MOCS1: variants seen among roughly 807,000 people sequenced by gnomAD.
MOCS1 encodes the protein molybdenum cofactor synthesis 1.
In MOCS1, 39 loss-of-function variants were observed where a neutral mutation model predicts 57.6. The ratio of observed to expected loss-of-function variants is 0.68; its 90% confidence interval spans 0.52 to 0.88. MOCS1 has a LOEUF of 0.88. MOCS1 is among the 40% of genes least tolerant of loss of function. The probability of loss-of-function intolerance (pLI) is 0.00; values close to 1 mark genes in which losing one functional copy is unlikely to be tolerated. For missense variants in MOCS1, 795 were observed against 831.1 expected (o/e 0.96, Z 0.53); for synonymous variants, 334 against 335.7 (o/e 1.00, Z 0.05).
intron 4 of MOCS1, among the ~76,000 whole-genome samples, chr6:39,914,959 G>A (rs1409576704): frequency 6.6e-6 from 1 of 152,044 alleles, no homozygotes; most frequent in Non-Finnish European, 1.5e-5. Flanking sequence ...TGCAGGTTCT[G>A]TACTCCTGCT....
chr6:39,929,117 T>G (rs1175334662), intron 1 of MOCS1, among the ~76,000 whole-genome samples: 1 of 152,186 alleles, frequency 6.6e-6, no homozygotes, highest in Admixed American at 6.5e-5. Context: ...CTTGATTTTC[T>G]GGGCCCATAA....
chr6:39,906,341 G>A lies in MOCS1; in HGVS notation c.*16C>T. 1 of 1,597,720 alleles carries A rather than the reference G, an allele frequency of 6.3e-7. No homozygotes were observed. The highest frequency in any genetic ancestry group is 8.6e-7 in the Non-Finnish European group (1 of 1,169,154). ...AGCTCCAGGCCTGGGTGGGCCATGG[G>A]TGAGAAGGGCAGGTGCTAAGCCCGA... is the stretch of plus-strand genomic sequence containing the variant. On this transcript the variant is annotated 3_prime_UTR_variant, in exon 11 of 11. Transcript: ENST00000340692.
At chr6:39,916,044 C>A (rs200819904) in intron 4 of MOCS1, 24 bp downstream of exon 4, 3 of 1,584,862 alleles carry the variant, frequency 1.9e-6, no homozygotes, top group East Asian at 4.6e-5. Flanking sequence ...GGGAGGGACA[C>A]CCACCCCATC....
chr6:39,909,871 C>T lies in MOCS1; in HGVS notation c.1066G>A (p.Gly356Arg). 1.2e-6 allele frequency: 2 copies of T among 1,613,914 alleles called. No homozygotes were observed. The highest frequency in any genetic ancestry group is 1.7e-6 in the Non-Finnish European group (2 of 1,180,028). ...CGCTTCTTCCTGCCCACAGCAGCCC[C>T]AATGATTCTCAGCAGCTCCTGCTCA... ...ASEQELLRII[G>R]AAVGRKKRQH... The change falls in exon 9 of 11, where the codon GGG becomes AGG. Residue 356 changes from glycine to arginine, a missense_variant. Coordinates refer to ENST00000340692, the MANE Select transcript of MOCS1 (RefSeq NM_001358530.2).
At chr6:39,911,944 G>A (rs1420628758) in intron 8 of MOCS1, among the ~76,000 whole-genome samples, 1 of 152,190 alleles carries the variant, frequency 6.6e-6, no homozygotes, top group African/African-American at 2.4e-5. Context: ...TGGTGGAAGG[G>A]GCTAACCATG....
Position 39,925,787 on chromosome 6 carries a change from G to A in MOCS1, c.309C>T (p.Thr103=). Residue 103 remains threonine, a synonymous_variant, in exon 3 of 11, where the codon ACC becomes ACT. Coordinates refer to ENST00000340692, the MANE Select transcript of MOCS1 (RefSeq NM_001358530.2). ...GGGCGAGGGTCAGGATCTCCTCTGT[G>A]GTCAGCAGGTTGGCTTTGGGGGTCA... ...VPLTPKANLL[T]TEEILTLARL... The A allele has an allele frequency of 6.2e-7, 1 of 1,612,840 alleles. No individual in the cohort carries two copies. Among genetic ancestry groups the A allele is most frequent in the Non-Finnish European group, 8.5e-7 (1 of 1,179,980 alleles).
chr6:39,927,796 T>C (rs867516042), intron 1 of MOCS1: 50 of 1,383,844 alleles, frequency 3.6e-5, no homozygotes, highest in African/African-American at 2.0e-4. Flanking sequence ...AAAAAAAGGA[T>C]TGTGCACCCA....
At chr6:39,914,327 G>T (rs1465548459) in intron 4 of MOCS1, among the ~76,000 whole-genome samples, 1 of 152,216 alleles carries the variant, frequency 6.6e-6, no homozygotes. Context: ...GACCCAGAGT[G>T]AGGCAATGCT....
rs144507870 is a variant in MOCS1 at position 39,907,234 on chromosome 6, A to G, written c.1151-117T>C. 1.7e-3 allele frequency: 1,850 copies of G among 1,106,194 alleles called. 2 individuals carry two copies. Among genetic ancestry groups the G allele is most frequent in the Non-Finnish European group, 2.1e-3 (1,701 of 797,472 alleles). 68.5% of individuals were successfully genotyped at this position (1,106,194 alleles called of 1,614,324 possible). Reference sequence around the variant, plus strand: ...TCAAGTTCTCTTTCATACCGGGGAAAGAGGAATGAAGAACAAAAAGCATAG... The same window carrying G: ...TCAAGTTCTCTTTCATACCGGGGAAGGAGGAATGAAGAACAAAAAGCATAG... On this transcript the variant is annotated intron_variant, in intron 10 of 10. Coordinates refer to ENST00000340692, the MANE Select transcript of MOCS1 (RefSeq NM_001358530.2).
At chr6:39,914,424 T>C (rs1403642082) in intron 4 of MOCS1, among the ~76,000 whole-genome samples, 1 of 152,246 alleles carries the variant, frequency 6.6e-6, no homozygotes, top group Non-Finnish European at 1.5e-5. Flanking sequence ...CCATCAATTA[T>C]TCACTCAACA....
intron 4 of MOCS1, among the ~76,000 whole-genome samples, chr6:39,915,517 C>T (rs749373159): frequency 6.6e-6 from 1 of 152,146 alleles, no homozygotes; most frequent in Non-Finnish European, 1.5e-5. Flanking sequence ...ACCCAGAGCT[C>T]GAGGCTGGCT....
Position 39,905,098 on chromosome 6 carries a change from G to A in MOCS1, c.*1259C>T. ...GTTTAATATTTGCCAGCACACCTTGGCATAGGGCAGAGGGGAGGCAGGCAG... is the reference window on the plus strand; with the variant it reads ...GTTTAATATTTGCCAGCACACCTTGACATAGGGCAGAGGGGAGGCAGGCAG... On this transcript the variant is annotated 3_prime_UTR_variant, in exon 11 of 11. Transcript: ENST00000340692. The A allele has an allele frequency of 2.2e-6, 1 of 454,466 alleles. No homozygotes were observed. The highest frequency in any genetic ancestry group is 4.4e-6 in the Non-Finnish European group (1 of 226,884). The allele number at this position is 454,466 out of a possible 1,614,324, so 28.2% of individuals were successfully genotyped here.
chr6:39,913,702 A>G, intron 5 of MOCS1, 72 bp downstream of exon 5: 1 of 1,534,372 alleles, frequency 6.5e-7, no homozygotes, highest in Non-Finnish European at 9.0e-7. Context: ...CAAGTGGGCC[A>G]AGGGGCGGTG....
chr6:39,914,927 C>T (rs1767569008), intron 4 of MOCS1, among the ~76,000 whole-genome samples: 1 of 151,542 alleles, frequency 6.6e-6, no homozygotes, highest in African/African-American at 2.4e-5. Flanking sequence ...ATCCACCTCC[C>T]ACTTTCCCAC....
At chr6:39,915,733 C>G (rs1767619437) in intron 4 of MOCS1, among the ~76,000 whole-genome samples, 4 of 152,164 alleles carry the variant, frequency 2.6e-5, no homozygotes, top group Admixed American at 2.6e-4. Flanking sequence ...CGTGTTTCTT[C>G]AGAGCTCATC....
rs1483654759 is a variant in MOCS1 at position 39,909,044 on chromosome 6, G to A, written c.1150+11C>T. On this transcript the variant is annotated intron_variant, in intron 10 of 10. Transcript: ENST00000340692. ...CAAGGGTGAGTGGTTACGTACTGAT[G>A]GGTCACCCACCGATGAGGATCATGG... 3 of 1,611,898 alleles carry A rather than the reference G, an allele frequency of 1.9e-6. No individual in the cohort carries two copies. The highest frequency in any genetic ancestry group is 2.5e-6 in the Non-Finnish European group (3 of 1,178,680).
Position 39,934,374 on chromosome 6 carries a change from C to T in MOCS1, c.44G>A (p.Arg15Lys). 6.4e-7 allele frequency: 1 copy of T among 1,559,524 alleles called. No individual in the cohort carries two copies. The highest frequency in any genetic ancestry group is 8.6e-7 in the Non-Finnish European group (1 of 1,157,286). Reference sequence around the variant, plus strand: ...TGAGCTGCAGCTCCGGGCGCTGGACCTCAGAAGCCGCCGCAGCATCCGGGA... The same window carrying T: ...TGAGCTGCAGCTCCGGGCGCTGGACTTCAGAAGCCGCCGCAGCATCCGGGA... ...PLSRMLRRLL[R>K]SSARSCSSGA... The change falls in exon 1 of 11, where the codon AGG becomes AAG. Residue 15 changes from arginine to lysine, a missense_variant. Coordinates refer to ENST00000340692, the MANE Select transcript of MOCS1 (RefSeq NM_001358530.2).
intron 3 of MOCS1, among the ~76,000 whole-genome samples, chr6:39,923,542 C>T (rs552436818): frequency 5.9e-5 from 9 of 152,380 alleles, no homozygotes; most frequent in South Asian, 2.1e-4. Context: ...CCCATGCCCG[C>T]GGGTGCCAGG....
chr6:39,916,433 G>A lies in MOCS1; in HGVS notation c.419-201C>T, dbSNP rs149331644. 2.0e-5 allele frequency among the ~76,000 whole-genome samples: 3 copies of A among 152,326 alleles called. No homozygotes were observed. The East Asian group carries it at 5.8e-4, about 29-fold the overall frequency. ...ACAACCAAAAGATTAAGCATTGAGT[G>A]CTCTGTGCTAGGTGCTCTGCTGAGG... On this transcript the variant is annotated intron_variant, in intron 3 of 10. Transcript: ENST00000340692.
Sources: gnomAD v4.1 joint callset for allele counts (sites outside exome capture counted in the v4.1 genomes callset) on GRCh38, gnomAD v4.1.1 for gene constraint, MANE v1.5 for transcripts, NCBI Gene and HGNC (gene_info 2026-07-23, HGNC 2026-07-21) for gene names.